The following APBB2 variants were observed in gnomAD, a reference collection of about 807,000 sequenced individuals.
APBB2 encodes amyloid beta precursor protein binding family B member 2, also known as Fe65-like 1.
Under a neutral mutation model 82.5 loss-of-function variants are expected in APBB2, and 38 were observed. The ratio of observed to expected loss-of-function variants is 0.46; its 90% CI spans 0.36 to 0.60. APBB2 has a LOEUF of 0.60. Among genes scored for constraint, APBB2 ranks in the 20% least tolerant of loss-of-function variants. The pLI, the probability that APBB2 is intolerant of heterozygous loss-of-function variation, is 0.00. For missense variants in APBB2, 772 were observed against 972.3 expected (o/e 0.79, Z 2.74); for synonymous variants, 341 against 368.2 (o/e 0.93, Z 0.85).
intron 2 of APBB2, among the ~76,000 whole-genome samples, chr4:41,106,103 G>C (rs771750347): frequency 2.0e-5 from 3 of 152,124 alleles, no homozygotes; most frequent in Non-Finnish European, 2.9e-5. Context: ...ATTGCTTTAA[G>C]AATTAGCATA....
rs1484157647 is a variant in APBB2, at chr4:40,812,279, G to C, written c.*3813C>G. 1 of 152,222 alleles carries C rather than the reference G, an allele frequency of 6.6e-6. No individual in the cohort carries two copies. The allele number at this position is 152,222 out of a possible 1,614,324, so 9.4% of individuals were successfully genotyped here. On this transcript the variant is annotated 3_prime_UTR_variant, in exon 18 of 18. Transcript: ENST00000508593. ...TTCTATTCCTTGTATATGTGACTAAGATGTCAGATAAATGAGCCGAACGTT... is the reference window on the plus strand; with the variant it reads ...TTCTATTCCTTGTATATGTGACTAACATGTCAGATAAATGAGCCGAACGTT...
chr4:40,855,177 T>G (rs746860), intron 12 of APBB2, among the ~76,000 whole-genome samples: 8 of 151,984 alleles, frequency 5.3e-5, no homozygotes, highest in African/African-American at 1.9e-4. Context: ...TGTCTCACCT[T>G]GGTGTCATCC....
intron 12 of APBB2, among the ~76,000 whole-genome samples, chr4:40,882,966 G>A (rs189498339): frequency 2.6e-4 from 39 of 152,252 alleles, no homozygotes; most frequent in African/African-American, 9.4e-4. Flanking sequence ...GAGTGTACCT[G>A]AGGTACGCAA....
intron 12 of APBB2, among the ~76,000 whole-genome samples, chr4:40,853,421 G>A (rs1760126844): frequency 6.6e-6 from 1 of 150,722 alleles, no homozygotes. Context: ...TCATCCTCAG[G>A]CACGTTGAGT....
intron 1 of APBB2, chr4:41,177,635 C>T (rs1430744753): frequency 2.0e-5 from 3 of 152,164 alleles, no homozygotes; most frequent in African/African-American, 7.2e-5. Context: ...CACACCTGGT[C>T]TGGGTCCAAG....
chr4:40,934,385 G>T, intron 10 of APBB2, 71 bp downstream of exon 10: 1 of 1,454,486 alleles, frequency 6.9e-7, no homozygotes, highest in Non-Finnish European at 9.6e-7. Context: ...TGTAAAAACT[G>T]GACAATGATC....
At chr4:40,864,143 A>G (rs1202338885) in intron 12 of APBB2, among the ~76,000 whole-genome samples, 1 of 152,036 alleles carries the variant, frequency 6.6e-6, no homozygotes, top group Admixed American at 6.6e-5. Flanking sequence ...AATCTCAGCT[A>G]CTTGGGAGGC....
At position 40,815,341 on chromosome 4, in the gene APBB2, T is replaced by C. The variant is rs1745334045; in HGVS notation, c.*751A>G. ...CACCCAAAATGCATTATGATTTTAT[T>C]AATCTCTTTTAAAAATAATCAGTTT... On this transcript the variant is annotated 3_prime_UTR_variant, in exon 18 of 18. Transcript: ENST00000508593. 1 of 152,658 alleles carries C rather than the reference T, an allele frequency of 6.6e-6. No homozygotes were observed. The allele number at this position is 152,658 out of a possible 1,614,324, so 9.5% of individuals were successfully genotyped here. A position where few individuals can be genotyped will look rare whatever the true frequency, so the allele number is the denominator to read the frequency against.
At chr4:40,873,072 A>T (rs960145360) in intron 12 of APBB2, among the ~76,000 whole-genome samples, 1 of 143,372 alleles carries the variant, frequency 7.0e-6, no homozygotes, top group Admixed American at 7.4e-5. Context: ...TGGGCGACAG[A>T]GTGAGACTCC....
intron 12 of APBB2, among the ~76,000 whole-genome samples, chr4:40,862,984 G>A (rs2437322): frequency 6.6e-6 from 1 of 151,910 alleles, no homozygotes; most frequent in Admixed American, 6.6e-5. Flanking sequence ...AGGTGTTCAG[G>A]GGGCTGTACA....
intron 6 of APBB2, among the ~76,000 whole-genome samples, chr4:40,955,502 G>A (rs980561224): frequency 2.0e-5 from 3 of 152,224 alleles, no homozygotes; most frequent in African/African-American, 7.2e-5. Flanking sequence ...TTCTTGAAGG[G>A]ATCTTTCTGA....
chr4:41,194,177 C>T, intron 1 of APBB2: 2 of 150,270 alleles, frequency 1.3e-5, no homozygotes, highest in Non-Finnish European at 3.0e-5. Context: ...TTTTAATTAG[C>T]TGGATGTGAT....
chr4:41,040,981 C>G (rs1225364756), intron 4 of APBB2, among the ~76,000 whole-genome samples: 1 of 152,074 alleles, frequency 6.6e-6, no homozygotes, highest in African/African-American at 2.4e-5. Context: ...CCCGAGTTCA[C>G]GCCATTCTCC....
chr4:40,825,824 C>T (rs952569665), intron 15 of APBB2, 63 bp downstream of exon 15: 23 of 1,335,258 alleles, frequency 1.7e-5, no homozygotes, highest in African/African-American at 1.6e-4. Flanking sequence ...CCTCGGAGGG[C>T]GAACGCCTCC....
chr4:41,204,008 T>C (rs1325432705), intron 1 of APBB2, among the ~76,000 whole-genome samples: 1 of 152,146 alleles, frequency 6.6e-6, no homozygotes, highest in African/African-American at 2.4e-5. Context: ...CCTTGTCCAC[T>C]TTCCCACTTG....
chr4:41,103,669 T>TTACAAATGGTAACAAATTC (rs1278681692), intron 2 of APBB2, among the ~76,000 whole-genome samples: 3 of 152,184 alleles, frequency 2.0e-5, no homozygotes, highest in African/African-American at 7.2e-5. Context: ...AAACTGCTAG[T>TTACAAATGGTAACAAATTC]TACAAATGGT....
chr4:41,204,134 G>A (rs1436003548), intron 1 of APBB2, among the ~76,000 whole-genome samples: 1 of 152,170 alleles, frequency 6.6e-6, no homozygotes, highest in African/African-American at 2.4e-5. Context: ...TGGCAACAGG[G>A]GATAAAAGCC....
chr4:40,987,632 C>T (rs1164817550), intron 6 of APBB2, among the ~76,000 whole-genome samples: 1 of 152,108 alleles, frequency 6.6e-6, no homozygotes, highest in East Asian at 1.9e-4. Flanking sequence ...TCTAACTCTC[C>T]GAACTAGGAC....
intron 7 of APBB2, among the ~76,000 whole-genome samples, chr4:40,941,158 G>A (rs1786804842): frequency 6.7e-6 from 1 of 149,870 alleles, no homozygotes; most frequent in African/African-American, 2.5e-5. Context: ...TTTTTTTGAA[G>A]CCAGCTCAGA....
Sources: gnomAD v4.1 joint callset for allele counts (sites outside exome capture counted in the v4.1 genomes callset) on GRCh38, gnomAD v4.1.1 for gene constraint, MANE v1.5 for transcripts, NCBI Gene and HGNC (gene_info 2026-07-23, HGNC 2026-07-21) for gene names.